PLEC: variants seen among roughly 807,000 people sequenced by gnomAD.
PLEC encodes the protein hemidesmosomal protein 1.
In PLEC, 216 loss-of-function variants were observed where a neutral mutation model predicts 392.8. The observed-to-expected ratio is 0.55, with a 90% CI of 0.49 to 0.62. The LOEUF (loss-of-function observed/expected upper bound fraction) is 0.62, where lower values mean the gene tolerates loss of function less well. Among genes scored for constraint, PLEC ranks in the 20% least tolerant of loss-of-function variants. The pLI, the probability that PLEC is intolerant of heterozygous loss-of-function variation, is 0.00. For synonymous variants in PLEC, 3,621 were observed against 2,980.6 expected (o/e 1.21, Z -7.00); for missense variants, 6,863 against 6,563.4 (o/e 1.05, Z -1.58).
rs782786611 is a variant in PLEC at position 143,925,264 on chromosome 8, G to A, written c.4665C>T (p.Ala1555=). The stretch of plus-strand genomic sequence containing the variant: ...GTACCTGCCGCGCTCGCTCCACCTC[G>A]GCCTGCCGCAGGCGCCGCTCCGCCT... ...AEEAERRLRQ[A]EVERARQVQV... Residue 1555 remains alanine (A), a synonymous_variant, in exon 31 of 32, where the codon GCC becomes GCT. Transcript: ENST00000345136. The A allele has an allele frequency of 1.4e-5, 22 of 1,580,768 alleles. No individual in the cohort carries two copies. Among genetic ancestry groups the A allele is most frequent in the Middle Eastern group, 2.0e-4 (1 of 5,078 alleles).
chr8:143,925,862 G>A lies in PLEC; in HGVS notation c.4067C>T (p.Ala1356Val), dbSNP rs1586942547. The stretch of plus-strand genomic sequence containing the variant: ...CTCGGCCAGCCGCTCGCGCTCCTCT[G>A]CCCGCTGCTGCTCAGCCAGCCTCTG... ...EEERLAEQQR[A>V]EERERLAEVE... Residue 1356 changes from alanine to valine, a missense_variant, in exon 31 of 32, where the codon GCA (alanine) becomes GTA (valine). Coordinates refer to ENST00000345136, the MANE Select transcript of PLEC (RefSeq NM_201384.3). 1 of 1,547,252 alleles carries A rather than the reference G, an allele frequency of 6.5e-7. No homozygotes were observed. Among genetic ancestry groups the A allele is most frequent in the East Asian group, 2.4e-5 (1 of 42,018 alleles).
rs1352716673 is a variant in PLEC, at chr8:143,960,771, AC to A, written c.70+12631del. Among the ~76,000 whole-genome samples, 3 of 152,108 alleles carry A rather than the reference AC, an allele frequency of 2.0e-5. No individual in the cohort carries two copies. In the East Asian group the frequency reaches 5.8e-4, roughly 29 times the overall value. On this transcript the variant is annotated intron_variant, in intron 1 of 31. Coordinates refer to the PLEC transcript ENST00000356346. ...CCCTCCCTTCTCCCTGTCTCCCCCC[AC>A]CCACACACACAGTGTGAAAATCACT...
At position 143,939,537 on chromosome 8, in the gene PLEC, G is replaced by A; in HGVS notation, c.-76C>T. ...CTGGGCAGCCCCGTGTGGCACACAGGCAGCTGAAGGCTGGCGGCCCCACGA... is the reference window on the plus strand; with the variant it reads ...CTGGGCAGCCCCGTGTGGCACACAGACAGCTGAAGGCTGGCGGCCCCACGA... On this transcript the variant is annotated 5_prime_UTR_variant, in exon 1 of 32. Transcript: ENST00000345136. The A allele has an allele frequency of 1.3e-6, 2 of 1,547,340 alleles. No individual in the cohort carries two copies. Among genetic ancestry groups the A allele is most frequent in the Non-Finnish European group, 8.7e-7 (1 of 1,148,008 alleles).
At chr8:143,974,223 C>G (rs1833577540), upstream of PLEC, among the ~76,000 whole-genome samples, 1 of 152,242 alleles carries the variant, frequency 6.6e-6, no homozygotes, top group African/African-American at 2.4e-5. The surrounding 1 kb of genome is among the most constrained non-coding windows in gnomAD (Gnocchi z 5.9). Flanking sequence ...AAGGTGCTGG[C>G]TGGGGGCAAA....
At chr8:143,958,200 C>T (rs1832697697), upstream of PLEC, among the ~76,000 whole-genome samples, 1 of 152,062 alleles carries the variant, frequency 6.6e-6, no homozygotes, top group South Asian at 2.1e-4. This position sits in a 1 kb window ranked among gnomAD's most constrained non-coding sequence, Gnocchi z 4.9. Context: ...CTGGAGGCCA[C>T]CCCTGCGCAG....
chr8:143,975,213 G>A (rs1338166412), upstream of PLEC: 5 of 1,603,548 alleles, frequency 3.1e-6, no homozygotes, highest in African/African-American at 6.7e-5. The surrounding 1 kb of genome is among the most constrained non-coding windows in gnomAD (Gnocchi z 9.9). Context: ...GCTGGGTCCA[G>A]GACACTCCCG....
chr8:143,973,468 G>C lies in PLEC; in HGVS notation c.5C>G (p.Ala2Gly), dbSNP rs1199632387. ...GTCCTGCTCGTCGGGCAGCGGGCCG[G>C]CCATGCCGGCGGGCGCGGGGCGCGG... The change falls in exon 1 of 32, where the codon GCC (alanine) becomes GGC (glycine). Residue 2 changes from alanine to glycine, a missense_variant. Ala to Gly is a moderately conservative substitution (Grantham distance 60, BLOSUM62 0). Coordinates refer to the PLEC transcript ENST00000356346. The surrounding 1 kb of genome is among the most constrained non-coding windows in gnomAD (Gnocchi z 5.6). 1.3e-6 allele frequency: 2 copies of C among 1,511,102 alleles called. No homozygotes were observed. Among genetic ancestry groups the C allele is most frequent in the South Asian group, 2.5e-5 (2 of 80,708 alleles). 93.6% of individuals were successfully genotyped at this position (1,511,102 alleles called of 1,614,324 possible).
At chr8:143,953,845 G>A, upstream of PLEC, 1 of 1,591,286 alleles carries the variant, frequency 6.3e-7, no homozygotes. Context: ...GCCCAGGCCA[G>A]CGCCGCAGCC....
chr8:143,929,449 C>A lies in PLEC; in HGVS notation c.3046G>T (p.Ala1016Ser), dbSNP rs375184679. Residue 1016 changes from alanine (A) to serine (S), a missense_variant, in exon 24 of 32, where the codon GCA becomes TCA. Ala to Ser is a moderately conservative substitution (Grantham distance 99, BLOSUM62 1). Coordinates refer to ENST00000345136, the MANE Select transcript of PLEC (RefSeq NM_201384.3). ...RLRLPLDKEPARECAQRIAEQ... is the reference protein window; with the variant it reads ...RLRLPLDKEPSRECAQRIAEQ... ...GCGATGCGCTGGGCACACTCCCGTG[C>A]CGGCTCTTTGTCCAGCGGCAGCCGC... 3.8e-6 allele frequency: 6 copies of A among 1,587,518 alleles called. No homozygotes were observed. The highest frequency in any genetic ancestry group is 1.3e-5 in the African/African-American group (1 of 74,444).
rs1554710920 is a variant in PLEC at position 143,929,452 on chromosome 8, G to A, written c.3043C>T (p.Pro1015Ser). The A allele has an allele frequency of 1.3e-6, 2 of 1,590,478 alleles. No homozygotes were observed. Among genetic ancestry groups the A allele is most frequent in the East Asian group, 2.3e-5 (1 of 43,808 alleles). ...HRLRLPLDKE[P>S]ARECAQRIAE... ...ATGCGCTGGGCACACTCCCGTGCCG[G>A]CTCTTTGTCCAGCGGCAGCCGCAGG... Residue 1015 changes from proline (P) to serine (S), a missense_variant, in exon 24 of 32, where the codon CCG (proline) becomes TCG (serine). Coordinates refer to ENST00000345136, the MANE Select transcript of PLEC (RefSeq NM_201384.3).
At chr8:143,942,518 C>T (rs547444949), upstream of PLEC, 71 of 1,564,176 alleles carry the variant, frequency 4.5e-5, no homozygotes, top group East Asian at 6.3e-4. Context: ...CCCGACATGC[C>T]GGCCACGGCC....
At chr8:143,928,912 G>C (rs992828487) in intron 25 of PLEC, among the ~76,000 whole-genome samples, 191 bp downstream of exon 25, 1 of 152,122 alleles carries the variant, frequency 6.6e-6, no homozygotes, top group Non-Finnish European at 1.5e-5. Flanking sequence ...CGCCACTGTC[G>C]AAGCGTATCC....
At chr8:143,943,765 C>G, upstream of PLEC, 1 of 1,609,540 alleles carries the variant, frequency 6.2e-7, no homozygotes, top group Non-Finnish European at 8.5e-7. Context: ...CTGGCAGCCA[C>G]CAGCGGGGCT....
rs1554708749 is a variant in PLEC at position 143,927,840 on chromosome 8, C to T, written c.3399+14G>A. On this transcript the variant is annotated intron_variant, in intron 26 of 31. Coordinates refer to ENST00000345136, the MANE Select transcript of PLEC (RefSeq NM_201384.3). ...CCCCCACCCCGCCATGAAGCCCAAG[C>T]CTCGAAACGATACCTTCAGAGAGGC... 4 of 1,591,086 alleles carry T rather than the reference C, an allele frequency of 2.5e-6. No individual in the cohort carries two copies. Among genetic ancestry groups the T allele is most frequent in the Non-Finnish European group, 3.4e-6 (4 of 1,169,376 alleles).
At position 143,921,390 on chromosome 8, in the gene PLEC, C is replaced by T. The variant is rs782670428; in HGVS notation, c.8431G>A (p.Ala2811Thr). The T allele has an allele frequency of 8.7e-6, 14 of 1,613,320 alleles. No homozygotes were observed. In the Admixed American group the frequency reaches 1.0e-4, roughly 12 times the overall value. ...ACGGGGTCGATAACGCCGCCCGTGG[C>T]GATCTGGGCCTCCAGCAGGCGGATG... ...HGIRLLEAQI[A>T]TGGVIDPVHS... Residue 2811 changes from alanine to threonine, a missense_variant, in exon 32 of 32, where the codon GCC becomes ACC. By Grantham distance (58) the Ala-to-Thr change is moderately conservative. Coordinates refer to ENST00000345136, the MANE Select transcript of PLEC (RefSeq NM_201384.3).
At chr8:143,961,990 C>T (rs1021330410) in intron 1 of PLEC, among the ~76,000 whole-genome samples, 1 of 152,060 alleles carries the variant, frequency 6.6e-6, no homozygotes, top group South Asian at 2.1e-4. Flanking sequence ...CCACTGTGCA[C>T]GCTTTTTAAA....
At chr8:143,959,576 G>A (rs1328152669) in intron 1 of PLEC, among the ~76,000 whole-genome samples, 2 of 152,250 alleles carry the variant, frequency 1.3e-5, no homozygotes, top group African/African-American at 2.4e-5. Flanking sequence ...GTCAGACAGC[G>A]AGGCCATGTG....
chr8:143,921,094 G>A lies in PLEC; in HGVS notation c.8727C>T (p.Thr2909=), dbSNP rs370129235. The part of the protein sequence containing the change: ...SEARDVFEKA[T]VSAPFGKFQG... ...GGAACTTGCCGAACGGCGCAGACAC[G>A]GTGGCCTTCTCAAAGACGTCCCGGG... Residue 2909 remains threonine, a synonymous_variant, in exon 32 of 32, where the codon ACC becomes ACT. Transcript: ENST00000345136. 6.9e-5 allele frequency: 112 copies of A among 1,612,054 alleles called. 1 individual carries two copies. Among genetic ancestry groups the A allele is most frequent in the African/African-American group, 2.8e-4 (21 of 75,082 alleles).
upstream of PLEC, chr8:143,942,383 T>G: frequency 6.2e-7 from 1 of 1,602,780 alleles, no homozygotes; most frequent in East Asian, 2.2e-5. Flanking sequence ...GCCACGCCAC[T>G]GCACCCACCT....
Sources: gnomAD v4.1 joint callset for allele counts (sites outside exome capture counted in the v4.1 genomes callset) on GRCh38, gnomAD v4.1.1 for gene constraint, Gnocchi (gnomAD v3.1) non-coding constraint, MANE v1.5 for transcripts, NCBI Gene and HGNC (gene_info 2026-07-23, HGNC 2026-07-21) for gene names.